Variants in EPS15 observed in about 807,000 individuals in gnomAD.
The protein encoded by EPS15 is epidermal growth factor receptor pathway substrate 15, also known as epidermal growth factor receptor substrate 15.
In EPS15, 72 loss-of-function variants were observed where a neutral mutation model predicts 113.8. The ratio of observed to expected loss-of-function variants is 0.63; its 90% CI spans 0.52 to 0.77. The LOEUF is 0.77. Among genes scored for constraint, EPS15 ranks in the 30% least tolerant of loss-of-function variants. The pLI is 0.00. For synonymous variants in EPS15, 344 were observed against 363.4 expected (o/e 0.95, Z 0.61); for missense variants, 1,048 against 1,045.8 (o/e 1.00, Z -0.03).
At chr1:51,433,730 T>TATTATTCTA (rs1201939232) in intron 12 of EPS15, among the ~76,000 whole-genome samples, 8 of 152,232 alleles carry the variant, frequency 5.3e-5, no homozygotes, top group African/African-American at 1.9e-4. Flanking sequence ...GCCTGATAAC[T>TATTATTCTA]ATTATTCTAA....
At chr1:51,390,363 T>C (rs1199829976) in intron 21 of EPS15, among the ~76,000 whole-genome samples, 2 of 152,024 alleles carry the variant, frequency 1.3e-5, no homozygotes, top group Non-Finnish European at 2.9e-5. Flanking sequence ...ATAAAAACCC[T>C]AGAAGAAAAC....
intron 12 of EPS15, 76 bp from the exon 13 acceptor site, chr1:51,421,934 C>A: frequency 6.3e-7 from 1 of 1,587,656 alleles, no homozygotes. Context: ...TCCTCCTAAT[C>A]CTGAATCGCT....
At chr1:51,416,457 C>T (rs962529704) in intron 13 of EPS15, among the ~76,000 whole-genome samples, 1 of 151,950 alleles carries the variant, frequency 6.6e-6, no homozygotes, top group Non-Finnish European at 1.5e-5. Context: ...AATATCAAAG[C>T]AAGCCATATC....
chr1:51,444,748 A>C, intron 11 of EPS15, 141 bp downstream of exon 11: 1 of 752,390 alleles, frequency 1.3e-6, no homozygotes, highest in Non-Finnish European at 2.0e-6. Context: ...TATAGGCACA[A>C]ACTAAACCAC....
At position 51,355,706 on chromosome 1, in the gene EPS15, C is replaced by T. The variant is rs549241497; in HGVS notation, c.*994G>A. 9.9e-4 allele frequency: 182 copies of T among 184,378 alleles called. No homozygotes were observed. The highest frequency in any genetic ancestry group is 4.3e-3 in the African/African-American group (172 of 39,942). The allele number at this position is 184,378 out of a possible 1,614,324, so 11.4% of individuals were successfully genotyped here. On this transcript the variant is annotated 3_prime_UTR_variant, in exon 25 of 25. Coordinates refer to ENST00000371733, the MANE Select transcript of EPS15 (RefSeq NM_001981.3). ...AGTTTTTACATTTCAAGTAAATGAG[C>T]CTTCATTAAAAAAAAAAAAACAAAT...
At chr1:51,405,143 C>T (rs1421242196) in intron 16 of EPS15, among the ~76,000 whole-genome samples, 1 of 152,216 alleles carries the variant, frequency 6.6e-6, no homozygotes, top group East Asian at 1.9e-4. Flanking sequence ...AAATTCTGCG[C>T]TTCCTTTAGC....
At chr1:51,384,405 A>ATCCTCCG (rs1293900827) in intron 21 of EPS15, among the ~76,000 whole-genome samples, 3 of 145,308 alleles carry the variant, frequency 2.1e-5, no homozygotes, top group Non-Finnish European at 4.5e-5. Context: ...GGCTCAAGTG[A>ATCCTCCG]TCCTCCCACC....
chr1:51,415,429 G>A (rs563222025), intron 13 of EPS15, among the ~76,000 whole-genome samples: 2 of 152,054 alleles, frequency 1.3e-5, no homozygotes, highest in Admixed American at 1.3e-4. Context: ...ACTTCAAGCT[G>A]GAACGATGTC....
chr1:51,379,490 G>C (rs1646885211), intron 21 of EPS15, among the ~76,000 whole-genome samples: 1 of 151,998 alleles, frequency 6.6e-6, no homozygotes, highest in South Asian at 2.1e-4. Flanking sequence ...ATATATTGAA[G>C]GGTTCGAAAA....
chr1:51,459,860 C>T (rs1654297962), intron 8 of EPS15, among the ~76,000 whole-genome samples: 1 of 151,682 alleles, frequency 6.6e-6, no homozygotes, highest in African/African-American at 2.4e-5. Flanking sequence ...AACCTGTATT[C>T]AAGGGTGAAT....
At chr1:51,380,679 T>C (rs982163716) in intron 21 of EPS15, among the ~76,000 whole-genome samples, 2 of 151,768 alleles carry the variant, frequency 1.3e-5, no homozygotes, top group Admixed American at 1.3e-4. Flanking sequence ...AAAATGACAA[T>C]AATAAGTCCT....
chr1:51,470,333 C>A (rs190417029), intron 4 of EPS15, among the ~76,000 whole-genome samples: 3 of 152,064 alleles, frequency 2.0e-5, no homozygotes. Flanking sequence ...GGTTTCTTTT[C>A]TTTCATTCAT....
intron 23 of EPS15, among the ~76,000 whole-genome samples, chr1:51,362,620 G>A (rs1646413313): frequency 6.6e-6 from 1 of 152,044 alleles, no homozygotes; most frequent in Non-Finnish European, 1.5e-5. Context: ...TTCCTTAGAA[G>A]GAATCACTTA....
intron 13 of EPS15, among the ~76,000 whole-genome samples, chr1:51,412,445 T>C (rs1342234361): frequency 6.6e-6 from 1 of 152,242 alleles, no homozygotes; most frequent in Non-Finnish European, 1.5e-5. Flanking sequence ...TTATTTACTA[T>C]AATTTATTTT....
At chr1:51,499,046 T>C (rs1644371840) in intron 1 of EPS15, among the ~76,000 whole-genome samples, 1 of 152,218 alleles carries the variant, frequency 6.6e-6, no homozygotes, top group Non-Finnish European at 1.5e-5. Flanking sequence ...TTCTACCATA[T>C]GAGGATGCAG....
intron 21 of EPS15, among the ~76,000 whole-genome samples, chr1:51,393,573 T>C (rs1238432955): frequency 2.0e-5 from 3 of 152,248 alleles, no homozygotes. Context: ...AATACATCTG[T>C]ATACTGAACA....
chr1:51,448,181 C>A, intron 8 of EPS15, 46 bp from the exon 9 acceptor site: 1 of 1,095,406 alleles, frequency 9.1e-7, no homozygotes, highest in Non-Finnish European at 1.4e-6. Context: ...AAGCACTTAA[C>A]ATCCACCCAC....
intron 9 of EPS15, 53 bp from the exon 10 acceptor site, chr1:51,447,158 G>GT: frequency 6.7e-7 from 1 of 1,496,456 alleles, no homozygotes; most frequent in South Asian, 1.2e-5. Flanking sequence ...AAACTTTGAA[G>GT]TGTCACTCTT....
chr1:51,429,308 T>C (rs1651496139), intron 12 of EPS15, among the ~76,000 whole-genome samples: 1 of 151,894 alleles, frequency 6.6e-6, no homozygotes, highest in Non-Finnish European at 1.5e-5. Context: ...TGACATTAAG[T>C]ACATTTAAAA....
Sources: allele counts gnomAD v4.1 joint callset (sites outside exome capture counted in the v4.1 genomes callset), GRCh38; gene constraint gnomAD v4.1.1; transcripts MANE v1.5; gene names NCBI Gene and HGNC (gene_info 2026-07-23, HGNC 2026-07-21).